ZNF544: variants seen among roughly 807,000 people sequenced by gnomAD.
ZNF544 encodes zinc finger protein 544, also known as zinc finger protein AF020591.
ZNF544 carries 10 observed loss-of-function variants against 13.5 expected under a neutral mutation model. That is an observed-to-expected ratio of 0.74 (90% confidence interval 0.46 to 1.25). The LOEUF is 1.25. ZNF544 is among the 50% of genes most tolerant of loss of function. The pLI is 0.00. For missense variants in ZNF544, 896 were observed against 845.6 expected, an observed-to-expected ratio of 1.06 and a Z score of -0.74; for synonymous variants, 323 against 300.5, an observed-to-expected ratio of 1.07 and a Z score of -0.77.
intron 6 of ZNF544, 87 bp from the exon 7 acceptor site, chr19:58,260,764 C>G: frequency 8.2e-7 from 1 of 1,225,684 alleles, no homozygotes; most frequent in Non-Finnish European, 1.1e-6. Context: ...AGAGACACTT[C>G]CATTAAACAG....
chr19:58,243,651 A>T (rs992384838), intron 3 of ZNF544, among the ~76,000 whole-genome samples: 2 of 152,004 alleles, frequency 1.3e-5, no homozygotes, highest in Admixed American at 1.3e-4. Context: ...ATCCATTGTG[A>T]TATGCTAAAT....
At chr19:58,232,670 C>T (rs1276102127) in intron 3 of ZNF544, among the ~76,000 whole-genome samples, 1 of 151,126 alleles carries the variant, frequency 6.6e-6, no homozygotes, top group Non-Finnish European at 1.5e-5. Context: ...TGGCTCACGC[C>T]TGTAATCCCA....
intron 6 of ZNF544, among the ~76,000 whole-genome samples, chr19:58,256,922 G>A (rs1162870453): frequency 6.6e-6 from 1 of 152,162 alleles, no homozygotes; most frequent in East Asian, 1.9e-4. Flanking sequence ...TAACCAGTTA[G>A]AGTAAAAACA....
chr19:58,265,367 C>T (rs1437506310), downstream of ZNF544, among the ~76,000 whole-genome samples: 5 of 151,546 alleles, frequency 3.3e-5, no homozygotes, highest in Non-Finnish European at 7.4e-5. Flanking sequence ...ATGATCTCTG[C>T]TCACTGCAAG....
At chr19:58,248,941 C>T (rs2045853837) in intron 6 of ZNF544, among the ~76,000 whole-genome samples, 2 of 152,124 alleles carry the variant, frequency 1.3e-5, no homozygotes, top group Non-Finnish European at 2.9e-5. Flanking sequence ...CATAACTAGT[C>T]TGATTGGTTG....
chr19:58,242,628 C>T (rs946856407), intron 3 of ZNF544, among the ~76,000 whole-genome samples: 1 of 151,734 alleles, frequency 6.6e-6, no homozygotes, highest in Non-Finnish European at 1.5e-5. Context: ...ATCATCTCAT[C>T]TCAGCCCCTA....
At chr19:58,237,683 C>T (rs1235246724) in intron 3 of ZNF544, among the ~76,000 whole-genome samples, 4 of 152,224 alleles carry the variant, frequency 2.6e-5, no homozygotes, top group African/African-American at 7.2e-5. Context: ...TCTTCCCTGT[C>T]TTCCTCATAT....
intron 3 of ZNF544, among the ~76,000 whole-genome samples, chr19:58,241,749 G>A (rs2043930880): frequency 6.6e-6 from 1 of 151,950 alleles, no homozygotes; most frequent in South Asian, 2.1e-4. Flanking sequence ...CGCCCGCCTC[G>A]GCCTCCCAAA....
intron 6 of ZNF544, among the ~76,000 whole-genome samples, chr19:58,248,269 T>C (rs1384230193): frequency 6.9e-6 from 1 of 143,978 alleles, no homozygotes; most frequent in African/African-American, 2.6e-5. Flanking sequence ...ATGCTTTTTT[T>C]TTTCTTTTTT....
At chr19:58,236,241 C>T (rs79827822) in intron 3 of ZNF544, among the ~76,000 whole-genome samples, 4 of 150,820 alleles carry the variant, frequency 2.7e-5, no homozygotes, top group South Asian at 2.1e-4. Flanking sequence ...CGGTGACTCA[C>T]GCAATGCTAG....
At chr19:58,268,995 G>C (rs1806210565), downstream of ZNF544, among the ~76,000 whole-genome samples, 1 of 152,158 alleles carries the variant, frequency 6.6e-6, no homozygotes, top group Non-Finnish European at 1.5e-5. Flanking sequence ...CTTTGAAGAG[G>C]AACTTTTACT....
At position 58,262,430 on chromosome 19, in the gene ZNF544, G is replaced by C; in HGVS notation, c.1824G>C (p.Glu608Asp). 2 of 1,614,184 alleles carry C rather than the reference G, an allele frequency of 1.2e-6. No individual in the cohort carries two copies. The highest frequency in any genetic ancestry group is 1.7e-6 in the Non-Finnish European group (2 of 1,180,036). ...GAGAAAAGCCCTATGAATGTAACGA[G>C]TGTGGAAAAGCCTTCAATCGAAGCA... ...HTGEKPYECNECGKAFNRSTQ... is the reference protein window; with the variant it reads ...HTGEKPYECNDCGKAFNRSTQ... The change falls in exon 7 of 7, where the codon GAG (glutamate) becomes GAC (aspartate). Residue 608 changes from glutamate (E) to aspartate (D), a missense_variant. Transcript: ENST00000687789.
chr19:58,254,574 C>T (rs757785124), intron 6 of ZNF544, among the ~76,000 whole-genome samples: 36 of 152,164 alleles, frequency 2.4e-4, no homozygotes, highest in Non-Finnish European at 4.6e-4. Flanking sequence ...CTTTGGGGTC[C>T]AATCTTAGAG....
intron 6 of ZNF544, chr19:58,259,222 G>A (rs2063555171): frequency 6.6e-6 from 1 of 152,230 alleles, no homozygotes; most frequent in Non-Finnish European, 1.5e-5. Context: ...CTTTTCTGGA[G>A]AGTCTTCTAT....
rs2045304510 is a variant in ZNF544, at chr19:58,246,714, T to C, written c.164T>C (p.Leu55Pro). ...ETWEHIVSLG[L>P]FLSKSDVISQ... ...TCCTTTTTCCGTCTTTGACCAGGGCTTTTCCTTTCCAAATCTGATGTGATC... is the reference window on the plus strand; with the variant it reads ...TCCTTTTTCCGTCTTTGACCAGGGCCTTTCCTTTCCAAATCTGATGTGATC... The change falls in exon 6 of 7, where the codon CTT becomes CCT. Residue 55 changes from leucine to proline, a missense_variant. Transcript: ENST00000687789. The C allele has an allele frequency of 3.7e-6, 6 of 1,613,966 alleles. No individual in the cohort carries two copies. The highest frequency in any genetic ancestry group is 5.1e-6 in the Non-Finnish European group (6 of 1,179,896).
At chr19:58,254,210 C>T (rs1379589098) in intron 6 of ZNF544, among the ~76,000 whole-genome samples, 5 of 151,430 alleles carry the variant, frequency 3.3e-5, no homozygotes, top group African/African-American at 9.7e-5. Context: ...GGTGACAGAA[C>T]GAGACTCCAT....
At chr19:58,251,598 C>T (rs2046313564) in intron 6 of ZNF544, among the ~76,000 whole-genome samples, 1 of 152,146 alleles carries the variant, frequency 6.6e-6, no homozygotes, top group Admixed American at 6.6e-5. Flanking sequence ...GAGTTCCAAA[C>T]TCTTGTAAAG....
In ZNF544 at chr19:58,260,886, T is replaced by A. The variant is rs765442670; in HGVS notation, c.280T>A (p.Ser94Thr). ...TACCCTTGAGGAGAATAGGTTGAAT[T>A]CTGAAAAAGATCGAGCTAGGGAAGA... ...KATLEENRLN[S>T]EKDRAREELS... The change falls in exon 7 of 7, where the codon TCT (serine) becomes ACT (threonine). Residue 94 changes from serine (S) to threonine (T), a missense_variant. By Grantham distance (58) the Ser-to-Thr change is moderately conservative. Coordinates refer to ENST00000687789, the MANE Select transcript of ZNF544 (RefSeq NM_014480.4). The A allele has an allele frequency of 2.6e-5, 42 of 1,610,304 alleles. No homozygotes were observed. Among genetic ancestry groups the A allele is most frequent in the Non-Finnish European group, 3.4e-5 (40 of 1,178,718 alleles).
In ZNF544 at chr19:58,261,881, ACAT is replaced by A; in HGVS notation, c.1278_1280del (p.His426del). 2 of 1,608,718 alleles carry A rather than the reference ACAT, an allele frequency of 1.2e-6. No homozygotes were observed. Among genetic ancestry groups the A allele is most frequent in the South Asian group, 2.2e-5 (2 of 90,792 alleles). ...TCACCCAGAGATCCAAACTTATTAC[ACAT>A]CAGCGAATTCACACTGGAGAAAAAC... is the stretch of plus-strand genomic sequence containing the variant. On this transcript the variant is annotated inframe_deletion, in exon 7 of 7. Transcript: ENST00000687789.
Sources: allele counts gnomAD v4.1 joint callset (sites outside exome capture counted in the v4.1 genomes callset), GRCh38; gene constraint gnomAD v4.1.1; transcripts MANE v1.5; gene names NCBI Gene and HGNC (gene_info 2026-07-23, HGNC 2026-07-21).